The following LDLRAP1 variants were observed in gnomAD, a reference collection of about 807,000 sequenced individuals.
LDLRAP1 encodes the protein low density lipoprotein receptor adaptor protein 1, also known as low density lipoprotein receptor adapter protein 1.
In LDLRAP1, 30 loss-of-function variants were observed where a neutral mutation model predicts 37.8. That is an observed-to-expected ratio of 0.79 (90% CI 0.59 to 1.08). The LOEUF (loss-of-function observed/expected upper bound fraction) is 1.08, where lower values mean the gene tolerates loss of function less well. Ranked by LOEUF, LDLRAP1 falls within the 50% of genes least tolerant of loss-of-function variation. The pLI, the probability that LDLRAP1 is intolerant of heterozygous loss-of-function variation, is 0.00. For synonymous variants in LDLRAP1, 156 were observed against 169.8 expected (o/e 0.92, Z 0.63); for missense variants, 375 against 401.6 (o/e 0.93, Z 0.57).
At chr1:25,565,134 C>T in intron 7 of LDLRAP1, 39 bp from the exon 8 acceptor site, 2 of 1,612,222 alleles carry the variant, frequency 1.2e-6, no homozygotes, top group Non-Finnish European at 1.7e-6. Context: ...ATGGGCTCCC[C>T]CAAACATAGT....
rs762148512 is a variant in LDLRAP1, at chr1:25,563,069, G to A, written c.533-1G>A. The stretch of plus-strand genomic sequence containing the variant: ...CAACATGTTGTGCCTTGGTCCTGCA[G>A]AGAAAGAGAAGAGGGACAAAGCCAG... On this transcript the variant is annotated splice_acceptor_variant, in intron 5 of 8. Coordinates refer to ENST00000374338, the MANE Select transcript of LDLRAP1 (RefSeq NM_015627.3). LOFTEE classifies it high-confidence loss of function. 4 of 1,614,052 alleles carry A rather than the reference G, an allele frequency of 2.5e-6. No individual in the cohort carries two copies. Among genetic ancestry groups the A allele is most frequent in the Non-Finnish European group, 3.4e-6 (4 of 1,179,948 alleles).
chr1:25,571,778 C>T (rs1197251654), downstream of LDLRAP1, among the ~76,000 whole-genome samples: 1 of 152,194 alleles, frequency 6.6e-6, no homozygotes, highest in Non-Finnish European at 1.5e-5. Context: ...AGCCAAGTGT[C>T]CAGCACAGAG....
rs767635119 is a variant in LDLRAP1, at chr1:25,567,251, C to A, written c.*259C>A. The A allele has an allele frequency of 2.6e-5, 14 of 543,986 alleles. No homozygotes were observed. The highest frequency in any genetic ancestry group is 4.3e-5 in the Non-Finnish European group (13 of 299,608). The allele number at this position is 543,986 out of a possible 1,614,324, so 33.7% of individuals were successfully genotyped here. On this transcript the variant is annotated 3_prime_UTR_variant, in exon 9 of 9. Coordinates refer to ENST00000374338, the MANE Select transcript of LDLRAP1 (RefSeq NM_015627.3). Reference sequence around the variant, plus strand: ...TGCTCAGAAGCCAGTCTGCGTCAGGCACGTCTCCTGCTGCGTGACATGTGC... The same window carrying A: ...TGCTCAGAAGCCAGTCTGCGTCAGGAACGTCTCCTGCTGCGTGACATGTGC...
At chr1:25,581,230 G>A in the LDLRAP1 span, among the ~76,000 whole-genome samples, 39 of 152,302 alleles carry the variant, frequency 2.6e-4, no homozygotes, top group Admixed American at 1.6e-3. Flanking sequence ...GCAGCCTGGG[G>A]CGGGGGCACT....
intron 4 of LDLRAP1, among the ~76,000 whole-genome samples, chr1:25,558,508 C>T (rs1397513827): frequency 6.6e-6 from 1 of 152,126 alleles, no homozygotes; most frequent in Non-Finnish European, 1.5e-5. Context: ...TAAACTAGGT[C>T]GGCAGGATTG....
chr1:25,555,072 C>A lies in LDLRAP1; in HGVS notation c.344+100C>A. 1 of 853,684 alleles carries A rather than the reference C, an allele frequency of 1.2e-6. No homozygotes were observed. The highest frequency in any genetic ancestry group is 2.0e-6 in the Non-Finnish European group (1 of 505,164). 52.9% of individuals were successfully genotyped at this position (853,684 alleles called of 1,614,324 possible). ...GCTCTACCACTTCCTACCTGGGTGA[C>A]ATTGGAGCCTCAGTTTCCTCATCTG... On this transcript the variant is annotated intron_variant, in intron 3 of 8. Coordinates refer to ENST00000374338, the MANE Select transcript of LDLRAP1 (RefSeq NM_015627.3). This position sits in a 1 kb window ranked among gnomAD's most constrained non-coding sequence, Gnocchi z 4.7.
At chr1:25,549,597 G>A (rs964262077) in intron 1 of LDLRAP1, among the ~76,000 whole-genome samples, 3 of 152,202 alleles carry the variant, frequency 2.0e-5, no homozygotes, top group Non-Finnish European at 4.4e-5. Context: ...TTAAAATAGC[G>A]CAGTCATTAC....
chr1:25,571,814 G>A (rs2044607896), downstream of LDLRAP1, among the ~76,000 whole-genome samples: 1 of 152,200 alleles, frequency 6.6e-6, no homozygotes, highest in Non-Finnish European at 1.5e-5. Context: ...GTGCGTTTGT[G>A]GCCAGGACAG....
chr1:25,564,932 G>A (rs1345289560), intron 7 of LDLRAP1: 1 of 543,984 alleles, frequency 1.8e-6, no homozygotes, highest in Non-Finnish European at 3.3e-6. Context: ...GAACCCACCT[G>A]GGTCTCCAGA....
intron 1 of LDLRAP1, among the ~76,000 whole-genome samples, chr1:25,552,005 CCT>C (rs2124656026): frequency 6.6e-6 from 1 of 152,294 alleles, no homozygotes; most frequent in African/African-American, 2.4e-5. Flanking sequence ...ACACCCGCAC[CCT>C]CTTTCAGATG....
chr1:25,554,856 C>G lies in LDLRAP1; in HGVS notation c.232-4C>G, dbSNP rs2124666873. On this transcript the variant is annotated splice_polypyrimidine_tract_variant and splice_region_variant and intron_variant, in intron 2 of 8. Coordinates refer to ENST00000374338, the MANE Select transcript of LDLRAP1 (RefSeq NM_015627.3). This position sits in a 1 kb window ranked among gnomAD's most constrained non-coding sequence, Gnocchi z 5.4. ...GACTCCTCTGACTCCTGTCTGCTCC[C>G]AAGGCTAAGGCCAGTGGGAAGAAGC... 1 of 1,613,142 alleles carries G rather than the reference C, an allele frequency of 6.2e-7. No individual in the cohort carries two copies. Among genetic ancestry groups the G allele is most frequent in the Non-Finnish European group, 8.5e-7 (1 of 1,179,286 alleles).
chr1:25,548,276 T>C (rs1301334621), intron 1 of LDLRAP1, among the ~76,000 whole-genome samples: 1 of 151,462 alleles, frequency 6.6e-6, no homozygotes, highest in Non-Finnish European at 1.5e-5. Context: ...GACAAGCTTC[T>C]AAGCTCACCT....
chr1:25,557,975 G>A (rs923266083), intron 4 of LDLRAP1, among the ~76,000 whole-genome samples: 6 of 151,956 alleles, frequency 3.9e-5, no homozygotes, highest in Admixed American at 6.5e-5. Flanking sequence ...TTAAACCCAC[G>A]TTTCTTCCCC....
chr1:25,571,901 T>C (rs1372753365), downstream of LDLRAP1, among the ~76,000 whole-genome samples: 1 of 152,156 alleles, frequency 6.6e-6, no homozygotes, highest in Non-Finnish European at 1.5e-5. Context: ...ACGGCCTGTC[T>C]CAGGGTGACT....
chr1:25,561,038 A>G (rs913412125), intron 4 of LDLRAP1, among the ~76,000 whole-genome samples: 1 of 152,396 alleles, frequency 6.6e-6, no homozygotes, highest in Non-Finnish European at 1.5e-5. Flanking sequence ...ATGCAAGTGA[A>G]CAATCAGATT....
chr1:25,574,561 G>C, the LDLRAP1 span, among the ~76,000 whole-genome samples: 1 of 152,232 alleles, frequency 6.6e-6, no homozygotes, highest in Non-Finnish European at 1.5e-5. Context: ...CCAAATCTGT[G>C]TGTCGGGAGC....
chr1:25,578,967 T>G, the LDLRAP1 span, among the ~76,000 whole-genome samples: 1 of 151,994 alleles, frequency 6.6e-6, no homozygotes, highest in African/African-American at 2.4e-5. Context: ...AAACATGGCT[T>G]CTTAAATTTG....
At position 25,566,998 on chromosome 1, in the gene LDLRAP1, C is replaced by T. The variant is rs373649465; in HGVS notation, c.*6C>T. On this transcript the variant is annotated 3_prime_UTR_variant, in exon 9 of 9. Transcript: ENST00000374338. ...ATGACCTCTTCAGCTTCTGAGGGCCCGGGGCCAGCCGGACACAAGCGGCCC... is the reference window on the plus strand; with the variant it reads ...ATGACCTCTTCAGCTTCTGAGGGCCTGGGGCCAGCCGGACACAAGCGGCCC... The T allele has an allele frequency of 7.9e-5, 127 of 1,613,038 alleles. No homozygotes were observed. Among genetic ancestry groups the T allele is most frequent in the Non-Finnish European group, 6.4e-5 (75 of 1,179,996 alleles).
chr1:25,554,141 C>G lies in LDLRAP1; in HGVS notation c.231+77C>G. 1.3e-6 allele frequency: 2 copies of G among 1,560,618 alleles called. No individual in the cohort carries two copies. Among genetic ancestry groups the G allele is most frequent in the Non-Finnish European group, 1.7e-6 (2 of 1,143,708 alleles). ...TCTTCCCAGGGTGCCCTCGTCCCAG[C>G]TTGTTACTCCAGTTGGGTGTGTCTG... On this transcript the variant is annotated intron_variant, in intron 2 of 8. Transcript: ENST00000374338. This position sits in a 1 kb window ranked among gnomAD's most constrained non-coding sequence, Gnocchi z 5.4.
Sources: allele counts gnomAD v4.1 joint callset (sites outside exome capture counted in the v4.1 genomes callset), GRCh38; gene constraint gnomAD v4.1.1; non-coding constraint Gnocchi (gnomAD v3.1); transcripts MANE v1.5; gene names NCBI Gene and HGNC (gene_info 2026-07-23, HGNC 2026-07-21).